KANK1: variants seen among roughly 807,000 people sequenced by gnomAD.
The protein encoded by KANK1 is KN motif and ankyrin repeat domains 1, also known as KN motif and ankyrin repeat domain-containing protein 1.
A neutral mutation model predicts 106.2 loss-of-function variants in KANK1; 109 were observed. The ratio of observed to expected loss-of-function variants is 1.03; its 90% CI spans 0.88 to 1.20. KANK1 has a LOEUF of 1.20. Among genes scored for constraint, KANK1 ranks in the 50% most tolerant of loss-of-function variants. The pLI is 0.00. For missense variants in KANK1, 2,399 were observed against 1,710.7 expected (o/e 1.40, Z -7.10); for synonymous variants, 873 against 652.2 (o/e 1.34, Z -5.16).
intron 1 of KANK1, among the ~76,000 whole-genome samples, chr9:506,132 A>G (rs906270978): frequency 3.3e-5 from 5 of 152,168 alleles, no homozygotes; most frequent in African/African-American, 4.8e-5. Flanking sequence ...GTTGCCCCCA[A>G]AAAGAACCCC....
intron 1 of KANK1, among the ~76,000 whole-genome samples, chr9:578,049 A>G (rs1157125147): frequency 6.6e-6 from 1 of 152,102 alleles, no homozygotes; most frequent in Non-Finnish European, 1.5e-5. Context: ...AGATGTGATC[A>G]CTTCCTCCAC....
chr9:496,215 G>A (rs2058457471), intron 3 of KANK1, among the ~76,000 whole-genome samples: 1 of 152,142 alleles, frequency 6.6e-6, no homozygotes, highest in African/African-American at 2.4e-5. Context: ...TAACTACAGT[G>A]CCAAGCATGG....
rs562613486 is a variant in KANK1, at chr9:517,685, T to G, written c.-84+12931T>G. Among the ~76,000 whole-genome samples, 156 of 150,854 alleles carry G rather than the reference T, an allele frequency of 1.0e-3. 5 individuals are homozygous for G. Among genetic ancestry groups the G allele is most frequent in the African/African-American group, 3.8e-3 (154 of 40,726 alleles). ...ATTCTGCCTGTTGTAGGGAAGGGTG[T>G]GCCGGTGGGTCACCTTTTGAGGTTA... On this transcript the variant is annotated intron_variant, in intron 1 of 11. Coordinates refer to ENST00000382297, the MANE Select transcript of KANK1 (RefSeq NM_015158.5).
intron 1 of KANK1, among the ~76,000 whole-genome samples, chr9:577,268 G>A (rs1348668594): frequency 6.6e-6 from 1 of 152,182 alleles, no homozygotes; most frequent in Non-Finnish European, 1.5e-5. Flanking sequence ...ACAGAGTGCT[G>A]ATTGGCCCAT....
At chr9:488,800 C>T (rs1257787518) in intron 3 of KANK1, among the ~76,000 whole-genome samples, 2 of 152,092 alleles carry the variant, frequency 1.3e-5, no homozygotes, top group African/African-American at 4.8e-5. Flanking sequence ...CTAAGAATAG[C>T]ATAGCTTTTG....
At chr9:731,370 G>T (rs1040007383) in intron 5 of KANK1, 104 bp downstream of exon 5, 9 of 622,078 alleles carry the variant, frequency 1.4e-5, no homozygotes, top group Non-Finnish European at 2.6e-5. Context: ...CCACAGCGCA[G>T]TGATGAAAGA....
intron 1 of KANK1, among the ~76,000 whole-genome samples, chr9:510,239 T>C (rs2058971610): frequency 6.6e-6 from 1 of 152,186 alleles, no homozygotes; most frequent in Non-Finnish European, 1.5e-5. Context: ...AATTGAACCT[T>C]TGTGGCAATT....
intron 3 of KANK1, among the ~76,000 whole-genome samples, chr9:481,099 G>A (rs113011299): frequency 0.013 from 1,994 of 152,280 alleles, 43 homozygotes; most frequent in African/African-American, 0.046. Context: ...CACAATGCCT[G>A]TTTTATAATA....
intron 1 of KANK1, among the ~76,000 whole-genome samples, chr9:632,202 A>T (rs975844993): frequency 2.0e-5 from 3 of 152,210 alleles, no homozygotes; most frequent in African/African-American, 7.2e-5. Context: ...TTTTCCTTTA[A>T]CATCAGATAT....
At chr9:742,511 C>T in intron 10 of KANK1, 106 bp downstream of exon 10, 1 of 819,026 alleles carries the variant, frequency 1.2e-6, no homozygotes, top group Non-Finnish European at 1.9e-6. Flanking sequence ...CTCTATTCTC[C>T]TCTGGGATTT....
chr9:711,150 A>C lies in KANK1; in HGVS notation c.384A>C (p.Ser128=), dbSNP rs1248412796. 1 of 1,613,526 alleles carries C rather than the reference A, an allele frequency of 6.2e-7. No individual in the cohort carries two copies. The highest frequency in any genetic ancestry group is 1.3e-5 in the African/African-American group (1 of 74,680). ...ISKPPPPLET[S]LPFLTIPENR... is the part of the protein sequence containing the mutation. ...AGCCACCTCCCCCTCTGGAGACCTC[A>C]CTCCCTTTTCTTACCATCCCAGAAA... Residue 128 remains serine (S), a synonymous_variant, in exon 3 of 12, where the codon TCA becomes TCC. Coordinates refer to ENST00000382297, the MANE Select transcript of KANK1 (RefSeq NM_015158.5).
chr9:609,796 G>A (rs1413383397), intron 1 of KANK1, among the ~76,000 whole-genome samples: 1 of 151,994 alleles, frequency 6.6e-6, no homozygotes, highest in Non-Finnish European at 1.5e-5. Context: ...TTGGAACTAT[G>A]GCAAAATTAT....
At chr9:656,980 G>T (rs1255073864) in intron 1 of KANK1, among the ~76,000 whole-genome samples, 1 of 152,116 alleles carries the variant, frequency 6.6e-6, no homozygotes, top group African/African-American at 2.4e-5. Flanking sequence ...TGCCATGACA[G>T]ATCTCTAGAA....
chr9:718,372 G>A (rs887696950), intron 3 of KANK1, among the ~76,000 whole-genome samples: 2 of 146,446 alleles, frequency 1.4e-5, no homozygotes, highest in Admixed American at 7.0e-5. Flanking sequence ...GAGTGCAGTG[G>A]CATGATCACA....
At chr9:680,596 A>T (rs1278720730) in intron 2 of KANK1, among the ~76,000 whole-genome samples, 3 of 152,206 alleles carry the variant, frequency 2.0e-5, no homozygotes, top group Non-Finnish European at 4.4e-5. Context: ...GTGCTGTTTT[A>T]GGTACTGGGG....
chr9:552,396 C>G, intron 1 of KANK1, among the ~76,000 whole-genome samples: 1 of 152,256 alleles, frequency 6.6e-6, no homozygotes, highest in South Asian at 2.1e-4. Flanking sequence ...TTATGAAGGC[C>G]GCACACCCTC....
chr9:742,342 A>G lies in KANK1; in HGVS notation c.3834A>G (p.Gly1278=), dbSNP rs10733535. The G allele has an allele frequency of 0.99, 1,603,851 of 1,614,182 alleles. 796,802 individuals carry two copies. The highest frequency in any genetic ancestry group is 1 in the East Asian group (44,864 of 44,864). ...STALMCASEH[G]HVEIVKLLLA... ...CCCTCATGTGTGCCAGCGAGCACGG[A>G]CACGTGGAGATTGTCAAGCTGCTGC... Residue 1278 remains glycine (G), a synonymous_variant, in exon 10 of 12, where the codon GGA becomes GGG. Coordinates refer to ENST00000382297, the MANE Select transcript of KANK1 (RefSeq NM_015158.5).
At chr9:671,014 T>C (rs1845786587) in intron 1 of KANK1, among the ~76,000 whole-genome samples, 1 of 149,772 alleles carries the variant, frequency 6.7e-6, no homozygotes, top group Non-Finnish European at 1.5e-5. Context: ...CCGATTCTCT[T>C]TCATGAGTTC....
At chr9:475,587 C>A (rs919866222) in intron 3 of KANK1, among the ~76,000 whole-genome samples, 45 of 152,268 alleles carry the variant, frequency 3.0e-4, no homozygotes, top group African/African-American at 1.1e-3. Flanking sequence ...GCCCTACAAA[C>A]CAAAAATTCT....
Sources: allele counts gnomAD v4.1 joint callset (sites outside exome capture counted in the v4.1 genomes callset), GRCh38; gene constraint gnomAD v4.1.1; transcripts MANE v1.5; gene names NCBI Gene and HGNC (gene_info 2026-07-23, HGNC 2026-07-21).